Variants in SNX13 observed in about 807,000 individuals in gnomAD.
The protein encoded by SNX13 is sorting nexin 13, also known as sorting nexin-13.
In SNX13, 45 loss-of-function variants were observed where a neutral mutation model predicts 133.6. The ratio of observed to expected loss-of-function variants is 0.34; its 90% CI spans 0.27 to 0.43. The LOEUF is 0.43. Among genes scored for constraint, SNX13 ranks in the 20% least tolerant of loss-of-function variants. SNX13 has a pLI of 1.00. For synonymous variants in SNX13, 414 were observed against 373.9 expected, an observed-to-expected ratio of 1.11 and a Z score of -1.24; for missense variants, 1,032 against 1,145.1, an observed-to-expected ratio of 0.90 and a Z score of 1.43.
At chr7:17,795,168 A>C (rs1783912434) in intron 25 of SNX13, 2 of 151,724 alleles carry the variant, frequency 1.3e-5, no homozygotes. Flanking sequence ...TGGTGCTGTG[A>C]CTAAGAGTGA....
At chr7:17,937,043 C>T (rs1338919323) in intron 1 of SNX13, among the ~76,000 whole-genome samples, 2 of 139,282 alleles carry the variant, frequency 1.4e-5, no homozygotes, top group East Asian at 2.0e-4. Flanking sequence ...ACTAGCTAGA[C>T]GTTACATACA....
intron 20 of SNX13, among the ~76,000 whole-genome samples, chr7:17,804,705 C>G (rs560776692): frequency 6.7e-6 from 1 of 150,330 alleles, no homozygotes; most frequent in South Asian, 2.1e-4. Flanking sequence ...GACACAAAAC[C>G]AAAGTCATAC....
chr7:17,818,968 A>G (rs759983839), intron 18 of SNX13, among the ~76,000 whole-genome samples: 2 of 152,196 alleles, frequency 1.3e-5, no homozygotes, highest in Admixed American at 6.5e-5. Context: ...ACAGAAATGC[A>G]CAGTAGCTAT....
intron 1 of SNX13, among the ~76,000 whole-genome samples, chr7:17,905,170 A>G (rs1474034908): frequency 6.6e-6 from 1 of 152,200 alleles, no homozygotes; most frequent in African/African-American, 2.4e-5. Context: ...AATTAAGAAA[A>G]AAATTAAATA....
intron 1 of SNX13, among the ~76,000 whole-genome samples, chr7:17,914,477 GAA>G (rs1799333252): frequency 6.6e-6 from 1 of 152,106 alleles, no homozygotes. Context: ...GGCAGCTAGA[GAA>G]AAGAGCCATA....
Position 17,826,040 on chromosome 7 carries a change from C to A in SNX13, c.1687G>T (p.Ala563Ser). The stretch of plus-strand genomic sequence containing the variant: ...CTCTTACCTGTGTCTGAAATGTAGG[C>A]ATGAAGTTGTACTGAGTCATCAGAA... ...VSSDDSVQLHAYISDTGVCND... is the reference protein window; with the variant it reads ...VSSDDSVQLHSYISDTGVCND... Residue 563 changes from alanine (A) to serine (S), a missense_variant, in exon 17 of 26, where the codon GCC (alanine) becomes TCC (serine). Physicochemically the swap from Ala to Ser is moderately conservative, Grantham distance 99. Coordinates refer to ENST00000428135, the MANE Select transcript of SNX13 (RefSeq NM_015132.5). 6.4e-7 allele frequency: 1 copy of A among 1,551,710 alleles called. No homozygotes were observed. Among genetic ancestry groups the A allele is most frequent in the Non-Finnish European group, 8.7e-7 (1 of 1,145,630 alleles).
At chr7:17,848,623 C>T (rs548613660) in intron 11 of SNX13, among the ~76,000 whole-genome samples, 7 of 152,314 alleles carry the variant, frequency 4.6e-5, no homozygotes, top group East Asian at 1.9e-4. Context: ...GCTAATGCAT[C>T]GGCCAGTTCC....
Position 17,798,674 on chromosome 7 carries a change from G to T in SNX13, c.2513+16C>A. On this transcript the variant is annotated intron_variant, in intron 24 of 25. Coordinates refer to ENST00000428135, the MANE Select transcript of SNX13 (RefSeq NM_015132.5). ...TCTGTACTACCTGAAAGAAGTGACT[G>T]TGTCTTAAGATATACCTGAAACGTT... 1.3e-6 allele frequency: 2 copies of T among 1,551,766 alleles called. No homozygotes were observed. The highest frequency in any genetic ancestry group is 1.2e-5 in the South Asian group (1 of 83,830).
At chr7:17,810,740 T>A (rs1001625383) in intron 20 of SNX13, among the ~76,000 whole-genome samples, 9 of 152,152 alleles carry the variant, frequency 5.9e-5, no homozygotes, top group African/African-American at 1.9e-4. Context: ...TGAACATCAA[T>A]GTGAAAATCC....
At chr7:17,939,910 G>T (rs1802605959) in intron 1 of SNX13, among the ~76,000 whole-genome samples, 1 of 151,816 alleles carries the variant, frequency 6.6e-6, no homozygotes, top group Non-Finnish European at 1.5e-5. Context: ...GGAGACCTAG[G>T]GCAAACCATA....
chr7:17,923,614 CAGAA>C (rs543474230), intron 1 of SNX13, among the ~76,000 whole-genome samples: 105 of 152,210 alleles, frequency 6.9e-4, no homozygotes, highest in Middle Eastern at 3.4e-3. Context: ...GAAAAAATAA[CAGAA>C]AGCACCCCAA....
chr7:17,933,035 T>C (rs1361911252), intron 1 of SNX13, among the ~76,000 whole-genome samples: 1 of 152,166 alleles, frequency 6.6e-6, no homozygotes, highest in East Asian at 1.9e-4. Context: ...GGCATACTCT[T>C]GTTTGGTGAA....
At chr7:17,895,209 T>A (rs1296150444) in intron 2 of SNX13, among the ~76,000 whole-genome samples, 1 of 152,178 alleles carries the variant, frequency 6.6e-6, no homozygotes, top group Non-Finnish European at 1.5e-5. Flanking sequence ...CAGTCTGATT[T>A]TAAAAGAACC....
At chr7:17,886,127 T>C (rs1485015890) in intron 5 of SNX13, among the ~76,000 whole-genome samples, 3 of 151,926 alleles carry the variant, frequency 2.0e-5, no homozygotes, top group South Asian at 2.1e-4. Context: ...AGTAAGAAAA[T>C]TGGTAAAACT....
At chr7:17,869,491 G>A (rs371796842) in intron 8 of SNX13, among the ~76,000 whole-genome samples, 1 of 152,068 alleles carries the variant, frequency 6.6e-6, no homozygotes, top group Admixed American at 6.5e-5. Context: ...AATTTCTTAA[G>A]AATATTGGGG....
At chr7:17,811,838 C>T (rs538339264) in intron 20 of SNX13, among the ~76,000 whole-genome samples, 22 of 152,060 alleles carry the variant, frequency 1.4e-4, no homozygotes, top group South Asian at 4.2e-4. Flanking sequence ...TCAGAAATGA[C>T]GCCATACATC....
chr7:17,894,497 T>A (rs1322786111), intron 2 of SNX13, among the ~76,000 whole-genome samples: 1 of 151,864 alleles, frequency 6.6e-6, no homozygotes, highest in South Asian at 2.1e-4. Flanking sequence ...GAAAAAAAAA[T>A]CTAATCTATG....
Position 17,897,431 on chromosome 7 carries a change from A to G in SNX13, c.28T>C (p.Trp10Arg). 1 of 1,589,538 alleles carries G rather than the reference A, an allele frequency of 6.3e-7. No homozygotes were observed. Among genetic ancestry groups the G allele is most frequent in the South Asian group, 1.2e-5 (1 of 86,258 alleles). MLTEASLSIWGWGSLGIVLF... is the reference protein window; with the variant it reads MLTEASLSIRGWGSLGIVLF... ...ACAATGCCAAGGCTTCCCCATCCCC[A>G]TATGGATAGACTGGCCTGAAATACA... The change falls in exon 2 of 26, where the codon TGG becomes CGG. Residue 10 changes from tryptophan (W) to arginine (R), a missense_variant. Transcript: ENST00000428135.
intron 12 of SNX13, among the ~76,000 whole-genome samples, chr7:17,842,885 T>C (rs147611319): frequency 1.4e-3 from 218 of 152,148 alleles, no homozygotes; most frequent in Middle Eastern, 6.8e-3. Flanking sequence ...GTTATAAATT[T>C]AGGATGTTAC....
Sources: gnomAD v4.1 joint callset for allele counts (sites outside exome capture counted in the v4.1 genomes callset) on GRCh38, gnomAD v4.1.1 for gene constraint, MANE v1.5 for transcripts, NCBI Gene and HGNC (gene_info 2026-07-23, HGNC 2026-07-21) for gene names.